NKAIN2: variants seen among roughly 807,000 people sequenced by gnomAD.
The protein encoded by NKAIN2 is sodium/potassium-transporting ATPase subunit beta-1-interacting protein 2.
NKAIN2 carries 14 observed loss-of-function variants against 32.6 expected under a neutral mutation model. The observed-to-expected ratio is 0.43, with a 90% CI of 0.28 to 0.67. NKAIN2 has a LOEUF of 0.67. NKAIN2 is among the 30% of genes least tolerant of loss of function. The probability of loss-of-function intolerance (pLI) is 0.17; values close to 1 mark genes in which losing one functional copy is unlikely to be tolerated. For synonymous variants in NKAIN2, 80 were observed against 87.2 expected, an observed-to-expected ratio of 0.92 and a Z score of 0.46; for missense variants, 198 against 258.3, an observed-to-expected ratio of 0.77 and a Z score of 1.60.
intron 2 of NKAIN2, among the ~76,000 whole-genome samples, chr6:124,301,197 G>A (rs545039596): frequency 3.9e-5 from 6 of 152,226 alleles, no homozygotes; most frequent in South Asian, 2.1e-4. Context: ...GGTACAGCTC[G>A]GGCCATGGCT....
At chr6:124,017,008 G>A (rs74708132) in intron 1 of NKAIN2, among the ~76,000 whole-genome samples, 3,624 of 152,202 alleles carry the variant, frequency 0.024, 145 homozygotes, top group African/African-American at 0.084. Context: ...TTCTCACATG[G>A]CTAGTAAAAA....
intron 2 of NKAIN2, among the ~76,000 whole-genome samples, chr6:124,343,949 G>GT (rs1798272744): frequency 2.0e-5 from 3 of 149,948 alleles, no homozygotes; most frequent in Non-Finnish European, 3.0e-5. Context: ...TTCTTCTAAA[G>GT]TTTTTATGGT....
At chr6:124,349,461 A>G (rs180792501) in intron 2 of NKAIN2, among the ~76,000 whole-genome samples, 33 of 152,298 alleles carry the variant, frequency 2.2e-4, no homozygotes, top group Non-Finnish European at 2.2e-4. Context: ...TTTGCATCCT[A>G]GTAGAAACAA....
At chr6:124,362,512 A>G (rs1019126895) in intron 3 of NKAIN2, among the ~76,000 whole-genome samples, 4 of 152,110 alleles carry the variant, frequency 2.6e-5, no homozygotes, top group South Asian at 2.1e-4. Context: ...TGAGGAAAAC[A>G]GTTCATGAAC....
intron 1 of NKAIN2, among the ~76,000 whole-genome samples, chr6:124,072,089 A>C (rs893553192): frequency 6.6e-6 from 1 of 152,146 alleles, no homozygotes; most frequent in Non-Finnish European, 1.5e-5. Context: ...GCCCATCAAC[A>C]GTGGGTTAGA....
intron 1 of NKAIN2, among the ~76,000 whole-genome samples, chr6:123,873,117 G>A (rs1416233034): frequency 1.3e-5 from 2 of 152,042 alleles, no homozygotes; most frequent in Non-Finnish European, 2.9e-5. Context: ...AGAAATATGA[G>A]ATAGTGATAA....
chr6:123,972,197 A>G (rs1778376821), intron 1 of NKAIN2, among the ~76,000 whole-genome samples: 1 of 152,224 alleles, frequency 6.6e-6, no homozygotes, highest in Non-Finnish European at 1.5e-5. Flanking sequence ...TCAATGGTTT[A>G]TGTTATCAGT....
chr6:124,046,402 C>T (rs1782129687), intron 1 of NKAIN2, among the ~76,000 whole-genome samples: 1 of 151,838 alleles, frequency 6.6e-6, no homozygotes. Flanking sequence ...TACTAAATAC[C>T]ATTACCAATT....
chr6:124,450,800 C>T (rs1450666000), intron 3 of NKAIN2, among the ~76,000 whole-genome samples: 1 of 151,700 alleles, frequency 6.6e-6, no homozygotes, highest in African/African-American at 2.4e-5. Flanking sequence ...TAATTTTGAC[C>T]CAAATAACTA....
chr6:123,978,257 A>G (rs750318006), intron 1 of NKAIN2, among the ~76,000 whole-genome samples: 1 of 152,178 alleles, frequency 6.6e-6, no homozygotes, highest in Non-Finnish European at 1.5e-5. Flanking sequence ...TCTCAGAGGA[A>G]TGCTGGACTA....
intron 1 of NKAIN2, among the ~76,000 whole-genome samples, chr6:124,255,390 C>A (rs1793879572): frequency 6.6e-6 from 1 of 152,276 alleles, no homozygotes. Context: ...TCAAACATTT[C>A]TTTGAACAGT....
rs568501032 is a variant in NKAIN2 at position 124,146,960 on chromosome 6, A to G, written c.55-136045A>G. 9.1e-4 allele frequency among the ~76,000 whole-genome samples: 139 copies of G among 152,286 alleles called. 2 individuals carry two copies. The highest frequency in any genetic ancestry group is 8.3e-3 in the South Asian group (40 of 4,826). On this transcript the variant is annotated intron_variant, in intron 1 of 6. Transcript: ENST00000368417. ...AAGGCATGTTAGTGTTTCATCTCCT[A>G]AACTGGGTGATAGTTACAACAGGGT... is the stretch of plus-strand genomic sequence containing the variant.
Position 124,581,432 on chromosome 6 carries a change from C to A in NKAIN2, c.274-76754C>A, listed in dbSNP as rs1395667795. ...CCGCAGTCCGGCCTGGGCAACAGAG[C>A]GAGACTCCGTCTCAAAAAAAAAAAA... On this transcript the variant is annotated intron_variant, in intron 3 of 6. Transcript: ENST00000368417. 3.5e-5 allele frequency among the ~76,000 whole-genome samples: 4 copies of A among 114,062 alleles called. No individual in the cohort carries two copies. The South Asian group carries it at 8.8e-4, about 25-fold the overall frequency. The allele number at this position is 114,062 out of a possible 152,430, so 74.8% of individuals were successfully genotyped here.
chr6:123,967,397 G>T (rs1394774997), intron 1 of NKAIN2, among the ~76,000 whole-genome samples: 7 of 152,218 alleles, frequency 4.6e-5, no homozygotes, highest in African/African-American at 1.7e-4. Flanking sequence ...TCACTGGGAA[G>T]CCAGCTAATA....
intron 1 of NKAIN2, among the ~76,000 whole-genome samples, chr6:123,998,832 G>C (rs1440312767): frequency 7.0e-6 from 1 of 143,238 alleles, no homozygotes; most frequent in Non-Finnish European, 1.5e-5. Context: ...TATATATATG[G>C]TGATGGTATC....
chr6:124,591,650 G>T (rs1781917947), intron 3 of NKAIN2, among the ~76,000 whole-genome samples: 1 of 152,112 alleles, frequency 6.6e-6, no homozygotes, highest in Non-Finnish European at 1.5e-5. Context: ...TGATGCTGTT[G>T]TCAAAGATAT....
intron 1 of NKAIN2, among the ~76,000 whole-genome samples, chr6:124,120,226 A>G (rs1785812808): frequency 6.6e-6 from 1 of 152,158 alleles, no homozygotes; most frequent in Non-Finnish European, 1.5e-5. Context: ...TGTCATGACC[A>G]CTTAACTACT....
chr6:124,191,362 T>C (rs1790011793), intron 1 of NKAIN2, among the ~76,000 whole-genome samples: 1 of 152,030 alleles, frequency 6.6e-6, no homozygotes, highest in African/African-American at 2.4e-5. Context: ...ATAAGTATGG[T>C]TTTGCTGCTA....
chr6:124,569,858 G>A (rs780159732), intron 3 of NKAIN2, among the ~76,000 whole-genome samples: 1 of 152,206 alleles, frequency 6.6e-6, no homozygotes, highest in East Asian at 1.9e-4. Flanking sequence ...TGGGTAACAG[G>A]CAGAGGTTGG....
Sources: gnomAD v4.1 joint callset for allele counts (sites outside exome capture counted in the v4.1 genomes callset) on GRCh38, gnomAD v4.1.1 for gene constraint, MANE v1.5 for transcripts, NCBI Gene and HGNC (gene_info 2026-07-23, HGNC 2026-07-21) for gene names.